Variants in MTX2 observed in about 807,000 individuals in gnomAD.
The protein encoded by MTX2 is metaxin 2, also known as metaxin-2.
Under a neutral mutation model 42.3 loss-of-function variants are expected in MTX2, and 35 were observed. That is an observed-to-expected ratio of 0.83 (90% CI 0.63 to 1.10). The LOEUF is 1.10. Among genes scored for constraint, MTX2 ranks in the 50% least tolerant of loss-of-function variants. The pLI is 0.00. For synonymous variants in MTX2, 119 were observed against 100.9 expected (o/e 1.18, Z -1.08); for missense variants, 307 against 304.1 (o/e 1.01, Z -0.07).
At chr2:176,324,883 T>G (rs1000824040) in intron 4 of MTX2, among the ~76,000 whole-genome samples, 1 of 151,756 alleles carries the variant, frequency 6.6e-6, no homozygotes, top group Non-Finnish European at 1.5e-5. Flanking sequence ...ATTGGTATTC[T>G]CTTTCATTTA....
At chr2:176,276,209 T>A (rs1692942491) in intron 1 of MTX2, among the ~76,000 whole-genome samples, 2 of 152,228 alleles carry the variant, frequency 1.3e-5, no homozygotes, top group African/African-American at 4.8e-5. Flanking sequence ...TAGTAATGTA[T>A]CCTAGAATAA....
chr2:176,272,329 G>C (rs185345925), intron 1 of MTX2, among the ~76,000 whole-genome samples: 157 of 152,248 alleles, frequency 1.0e-3, no homozygotes, highest in Non-Finnish European at 1.8e-3. Context: ...AGAAGAAAAA[G>C]TTTTAGTGAT....
chr2:176,324,201 T>C (rs1393568590), intron 4 of MTX2, among the ~76,000 whole-genome samples: 2 of 151,582 alleles, frequency 1.3e-5, no homozygotes, highest in African/African-American at 2.4e-5. Flanking sequence ...GTATAACTGA[T>C]TGGTATAAGT....
chr2:176,307,432 C>A (rs1684180947), intron 3 of MTX2, among the ~76,000 whole-genome samples: 1 of 152,146 alleles, frequency 6.6e-6, no homozygotes, highest in Non-Finnish European at 1.5e-5. Flanking sequence ...TTTTCCAATT[C>A]TGTGAAAAAA....
intron 3 of MTX2, among the ~76,000 whole-genome samples, chr2:176,306,968 A>G (rs1474911114): frequency 1.3e-5 from 2 of 152,206 alleles, no homozygotes; most frequent in Non-Finnish European, 1.5e-5. Flanking sequence ...TGTTTTAGAC[A>G]TGAAGTCCTT....
At position 176,280,558 on chromosome 2, in the gene MTX2, C is replaced by T. The variant is rs545067317; in HGVS notation, c.40+10889C>T. On this transcript the variant is annotated intron_variant, in intron 1 of 9. Coordinates refer to ENST00000249442, the MANE Select transcript of MTX2 (RefSeq NM_006554.5). ...GTGAGTGGCACAAGGTGAGATATAA[C>T]CATATCCACACACATTTGTGTCTTT... is the stretch of plus-strand genomic sequence containing the variant. 6.7e-4 allele frequency among the ~76,000 whole-genome samples: 102 copies of T among 152,278 alleles called. 1 individual carries two copies. The South Asian group carries it at 0.021, about 31-fold the overall frequency.
At chr2:176,337,271 A>T (rs1187144632) in intron 9 of MTX2, among the ~76,000 whole-genome samples, 1 of 152,074 alleles carries the variant, frequency 6.6e-6, no homozygotes, top group African/African-American at 2.4e-5. Flanking sequence ...TGAATTCCTG[A>T]GTTCAAACAG....
intron 1 of MTX2, among the ~76,000 whole-genome samples, chr2:176,274,547 G>A (rs1190140921): frequency 6.6e-6 from 1 of 152,046 alleles, no homozygotes; most frequent in African/African-American, 2.4e-5. Context: ...TTTCTCTCTC[G>A]AGCCACACAC....
intron 3 of MTX2, chr2:176,304,365 G>T (rs1264339696): frequency 1.3e-5 from 2 of 153,542 alleles, no homozygotes; most frequent in African/African-American, 4.8e-5. Context: ...TACATTCACA[G>T]GTACAAAGGA....
chr2:176,269,592 G>T lies in MTX2; in HGVS notation c.-38G>T, dbSNP rs761409106. On this transcript the variant is annotated 5_prime_UTR_variant, in exon 1 of 10. Coordinates refer to ENST00000249442, the MANE Select transcript of MTX2 (RefSeq NM_006554.5). Reference sequence around the variant, plus strand: ...TGCGGTGGAGGACGCTGAGGCCCGTGGGGGGCAGGCACCCGGGCGCCGGGC... The same window carrying T: ...TGCGGTGGAGGACGCTGAGGCCCGTTGGGGGCAGGCACCCGGGCGCCGGGC... 2.6e-6 allele frequency: 4 copies of T among 1,562,826 alleles called. No homozygotes were observed. Among genetic ancestry groups the T allele is most frequent in the Middle Eastern group, 1.8e-4 (1 of 5,688 alleles).
chr2:176,278,874 C>G (rs1334649812), intron 1 of MTX2, among the ~76,000 whole-genome samples: 3 of 151,892 alleles, frequency 2.0e-5, no homozygotes, highest in African/African-American at 7.3e-5. Context: ...TTTTTTATTG[C>G]TTTGTAAATG....
chr2:176,296,632 A>G (rs930170457), intron 1 of MTX2, among the ~76,000 whole-genome samples: 2 of 152,090 alleles, frequency 1.3e-5, no homozygotes, highest in African/African-American at 2.4e-5. Context: ...CTTCCCCATT[A>G]AAAAACAATC....
intron 5 of MTX2, among the ~76,000 whole-genome samples, chr2:176,327,190 T>C (rs760895993): frequency 6.6e-5 from 10 of 151,298 alleles, no homozygotes; most frequent in Non-Finnish European, 1.3e-4. Flanking sequence ...TAACTTATGC[T>C]TACTACAACT....
At chr2:176,331,421 T>C (rs1182133907) in intron 9 of MTX2, among the ~76,000 whole-genome samples, 1 of 151,156 alleles carries the variant, frequency 6.6e-6, no homozygotes, top group East Asian at 1.9e-4. Flanking sequence ...AATTATTTGA[T>C]TTTTAGATTA....
At chr2:176,289,356 T>A (rs992690972) in intron 1 of MTX2, among the ~76,000 whole-genome samples, 1 of 151,976 alleles carries the variant, frequency 6.6e-6, no homozygotes, top group Non-Finnish European at 1.5e-5. Flanking sequence ...AAATATTCAT[T>A]TGCATAAAAA....
Position 176,326,872 on chromosome 2 carries a change from G to A in MTX2, c.256G>A (p.Gly86Ser). The A allele has an allele frequency of 6.4e-7, 1 of 1,571,024 alleles. No homozygotes were observed. Among genetic ancestry groups the A allele is most frequent in the African/African-American group, 1.4e-5 (1 of 72,980 alleles). The change falls in exon 5 of 10, where the codon GGT (glycine) becomes AGT (serine). Residue 86 changes from glycine (G) to serine (S), a missense_variant. Coordinates refer to ENST00000249442, the MANE Select transcript of MTX2 (RefSeq NM_006554.5). ...HVGNQVVSEL[G>S]PIVQFVKAKG... ...GGGAAATCAAGTAGTATCAGAACTT[G>A]GTCCAATAGTCCAATTTGTTAAAGC...
chr2:176,270,073 C>A, intron 1 of MTX2: 1 of 324,690 alleles, frequency 3.1e-6, no homozygotes, highest in Non-Finnish European at 5.7e-6. Flanking sequence ...AGGTGACTGT[C>A]ACTAATCAGT....
At chr2:176,291,666 A>G (rs12471855) in intron 1 of MTX2, among the ~76,000 whole-genome samples, 6,438 of 152,190 alleles carry the variant, frequency 0.042, 335 homozygotes, top group East Asian at 0.18. Context: ...ATCCACTTTC[A>G]AGACTGAGAC....
chr2:176,335,434 T>G (rs1684966283), intron 9 of MTX2, among the ~76,000 whole-genome samples: 2 of 151,988 alleles, frequency 1.3e-5, no homozygotes, highest in East Asian at 3.9e-4. Flanking sequence ...ATTAGAATAT[T>G]TTGTGCTTGG....
Sources: allele counts gnomAD v4.1 joint callset (sites outside exome capture counted in the v4.1 genomes callset), GRCh38; gene constraint gnomAD v4.1.1; transcripts MANE v1.5; gene names NCBI Gene and HGNC (gene_info 2026-07-23, HGNC 2026-07-21).